ZNF606: variants seen among roughly 807,000 people sequenced by gnomAD.
The protein encoded by ZNF606 is zinc finger protein 328.
A neutral mutation model predicts 74.9 loss-of-function variants in ZNF606; 37 were observed. That is an observed-to-expected ratio of 0.49 (90% CI 0.38 to 0.65). The LOEUF (loss-of-function observed/expected upper bound fraction) is 0.65, where lower values mean the gene tolerates loss of function less well. ZNF606 is among the 30% of genes least tolerant of loss of function. ZNF606 has a pLI of 0.00. For missense variants in ZNF606, 852 were observed against 952.9 expected (o/e 0.89, Z 1.39); for synonymous variants, 328 against 312.4 (o/e 1.05, Z -0.53).
At chr19:58,003,160 ATTT>A (rs1238930358), upstream of ZNF606, 12 of 445,920 alleles carry the variant, frequency 2.7e-5, no homozygotes, top group Non-Finnish European at 3.2e-5. Flanking sequence ...GGATCCTTCC[ATTT>A]GGCGTTCGCA....
intron 6 of ZNF606, among the ~76,000 whole-genome samples, chr19:57,987,820 T>C (rs1171196244): frequency 6.6e-6 from 1 of 152,206 alleles, no homozygotes; most frequent in African/African-American, 2.4e-5. Context: ...AGAGCGAGAC[T>C]TTATTTCAAA....
chr19:58,000,950 A>C (rs2073417257), intron 2 of ZNF606, among the ~76,000 whole-genome samples: 1 of 152,180 alleles, frequency 6.6e-6, no homozygotes, highest in African/African-American at 2.4e-5. Context: ...ATTACCAACC[A>C]ATGCTATATA....
rs2073061667 is a variant in ZNF606, at chr19:57,980,158, T to C, written c.522A>G (p.Leu174=). The change falls in exon 7 of 7, where the codon TTA becomes TTG. Residue 174 remains leucine (L), a synonymous_variant. Transcript: ENST00000551380. Reference sequence around the variant, plus strand: ...ATTGGTCTTTACATCCCAAAACTTCTAACCTGGAGAACCAAGGATCATCCC... The same window carrying C: ...ATTGGTCTTTACATCCCAAAACTTCCAACCTGGAGAACCAAGGATCATCCC... ...YIWDDPWFSR[L]EVLGCKDQLE... 6.2e-7 allele frequency: 1 copy of C among 1,614,076 alleles called. No homozygotes were observed. Among genetic ancestry groups the C allele is most frequent in the Admixed American group, 1.7e-5 (1 of 60,006 alleles).
Position 58,000,671 on chromosome 19 carries a change from C to A in ZNF606, c.88+12G>T. 6.2e-7 allele frequency: 1 copy of A among 1,613,926 alleles called. No homozygotes were observed. Among genetic ancestry groups the A allele is most frequent in the Non-Finnish European group, 8.5e-7 (1 of 1,179,934 alleles). On this transcript the variant is annotated intron_variant, in intron 3 of 6. Transcript: ENST00000551380. The stretch of plus-strand genomic sequence containing the variant: ...ATATGGCAGCCCACAGCTGACCAGG[C>A]TCTTGACTCACCCCAGGAGGCCCAT...
chr19:58,000,323 G>A (rs2073402092), intron 3 of ZNF606: 3 of 507,024 alleles, frequency 5.9e-6, no homozygotes, highest in Admixed American at 3.7e-5. Flanking sequence ...CTGGCTTCAC[G>A]CCATTCTCCT....
intron 6 of ZNF606, among the ~76,000 whole-genome samples, chr19:57,984,737 C>T (rs1178464444): frequency 6.6e-6 from 1 of 152,178 alleles, no homozygotes; most frequent in Non-Finnish European, 1.5e-5. Context: ...TTTCACCACT[C>T]TGTAAAACCA....
chr19:57,983,536 C>T (rs1248814305), intron 6 of ZNF606, among the ~76,000 whole-genome samples: 1 of 151,400 alleles, frequency 6.6e-6, no homozygotes, highest in African/African-American at 2.4e-5. Context: ...CAAGACCACA[C>T]CATTGCACTC....
chr19:57,999,360 C>T (rs562047021), intron 4 of ZNF606: 42 of 176,548 alleles, frequency 2.4e-4, no homozygotes, highest in Non-Finnish European at 4.4e-4. Flanking sequence ...CGTGTGGCTC[C>T]AGGTAGGCCG....
chr19:57,986,603 TC>T (rs537278937), intron 6 of ZNF606, among the ~76,000 whole-genome samples: 23 of 152,212 alleles, frequency 1.5e-4, no homozygotes, highest in Non-Finnish European at 2.6e-4. Flanking sequence ...CTCCTTTTTT[TC>T]AGTCTGTTAA....
intron 6 of ZNF606, among the ~76,000 whole-genome samples, chr19:57,982,449 C>G (rs2073098427): frequency 6.6e-6 from 1 of 152,142 alleles, no homozygotes. Context: ...TTTTGCCATA[C>G]AAGGTGCCCC....
intron 3 of ZNF606, chr19:58,000,378 C>G (rs1392929575): frequency 1.8e-6 from 1 of 549,218 alleles, no homozygotes; most frequent in Admixed American, 3.3e-5. Flanking sequence ...CCCACCACCA[C>G]GCCCAGCTAA....
intron 6 of ZNF606, among the ~76,000 whole-genome samples, chr19:57,985,965 C>T (rs1041128265): frequency 2.6e-5 from 4 of 151,072 alleles, no homozygotes; most frequent in Non-Finnish European, 5.9e-5. Context: ...AAATAAAAGC[C>T]GAAGAGAGAA....
At chr19:57,992,269 C>T (rs1227453065) in intron 4 of ZNF606, among the ~76,000 whole-genome samples, 2 of 152,114 alleles carry the variant, frequency 1.3e-5, no homozygotes, top group Non-Finnish European at 2.9e-5. Flanking sequence ...TCTGACAATA[C>T]CTGCACCCAC....
Position 57,978,967 on chromosome 19 carries a change from A to G in ZNF606, c.1713T>C (p.Thr571=). The change falls in exon 7 of 7, where the codon ACT becomes ACC. Residue 571 remains threonine (T), a synonymous_variant. Transcript: ENST00000551380. The surrounding 1 kb of genome is among the most constrained non-coding windows in gnomAD (Gnocchi z 4.4). Reference sequence around the variant, plus strand: ...TCCAGCTGAAGGATTTTCCACATTCAGTACATTTATATGGTTTTGCTCCAG... The same window carrying G: ...TCCAGCTGAAGGATTTTCCACATTCGGTACATTTATATGGTTTTGCTCCAG... The part of the protein sequence containing the change: ...THSGAKPYKC[T]ECGKSFSWSS... The G allele has an allele frequency of 1.2e-6, 2 of 1,614,194 alleles. No homozygotes were observed. The highest frequency in any genetic ancestry group is 1.7e-6 in the Non-Finnish European group (2 of 1,180,030).
rs1276469059 is a variant in ZNF606, at chr19:57,979,194, T to C, written c.1486A>G (p.Asn496Asp). ...CNECGKSFNW[N>D]SHLIGHQRTH... ...CTCTGATGTCCAATAAGATGAGAGT[T>C]CCAGTTGAAAGATTTCCCACACTCA... is the stretch of plus-strand genomic sequence containing the variant. Residue 496 changes from asparagine to aspartate, a missense_variant, in exon 7 of 7, where the codon AAC becomes GAC. Transcript: ENST00000551380. 1 of 1,613,812 alleles carries C rather than the reference T, an allele frequency of 6.2e-7. No individual in the cohort carries two copies. Among genetic ancestry groups the C allele is most frequent in the Non-Finnish European group, 8.5e-7 (1 of 1,179,914 alleles).
upstream of ZNF606, chr19:58,002,925 C>T (rs1336207829): frequency 4.4e-6 from 2 of 450,510 alleles, no homozygotes; most frequent in Non-Finnish European, 8.9e-6. Flanking sequence ...CCGCCTCGCC[C>T]TGCCTGGGCG....
chr19:57,999,625 A>C (rs2073386615), intron 4 of ZNF606, 183 bp downstream of exon 4: 1 of 616,610 alleles, frequency 1.6e-6, no homozygotes, highest in Non-Finnish European at 2.9e-6. Context: ...ACTGGTTGAC[A>C]CTAAGGCTCC....
chr19:57,980,244 G>C lies in ZNF606; in HGVS notation c.436C>G (p.Pro146Ala). 2 of 1,611,520 alleles carry C rather than the reference G, an allele frequency of 1.2e-6. No individual in the cohort carries two copies. Among genetic ancestry groups the C allele is most frequent in the South Asian group, 2.2e-5 (2 of 90,490 alleles). The change falls in exon 7 of 7, where the codon CCA (proline) becomes GCA (alanine). Residue 146 changes from proline (P) to alanine (A), a missense_variant. Physicochemically the swap from Pro to Ala is conservative, Grantham distance 27. Transcript: ENST00000551380. Reference sequence around the variant, plus strand: ...TCTTCCTCAAAAATGCTCTGTGCTGGGATCAATGCTTTGCTTTCAAGATTT... The same window carrying C: ...TCTTCCTCAAAAATGCTCTGTGCTGCGATCAATGCTTTGCTTTCAAGATTT... The part of the protein sequence containing the change: ...VRNLESKALI[P>A]AQSIFEEEQS...
chr19:57,991,717 T>C (rs188030456), intron 4 of ZNF606, among the ~76,000 whole-genome samples: 56 of 152,132 alleles, frequency 3.7e-4, no homozygotes, highest in Non-Finnish European at 6.5e-4. Flanking sequence ...GAGGCAAACG[T>C]TGCAGTGAGC....
Sources: gnomAD v4.1 joint callset for allele counts (sites outside exome capture counted in the v4.1 genomes callset) on GRCh38, gnomAD v4.1.1 for gene constraint, Gnocchi (gnomAD v3.1) non-coding constraint, MANE v1.5 for transcripts, NCBI Gene and HGNC (gene_info 2026-07-23, HGNC 2026-07-21) for gene names.